Variants in KCNMA1 observed in about 807,000 individuals in gnomAD.
KCNMA1 encodes the protein Calcium-activated potassium channel subunit alpha-1.
Under a neutral mutation model 140.0 loss-of-function variants are expected in KCNMA1, and 29 were observed. That is an observed-to-expected ratio of 0.21 (90% CI 0.15 to 0.28). The LOEUF is 0.28. Ranked by LOEUF, KCNMA1 falls within the 10% of genes least tolerant of loss-of-function variation. The pLI is 1.00. For synonymous variants in KCNMA1, 612 were observed against 611.9 expected, an observed-to-expected ratio of 1.00 and a Z score of 0.00; for missense variants, 880 against 1,602.2, an observed-to-expected ratio of 0.55 and a Z score of 7.70.
At chr10:77,293,599 C>G (rs2074039439) in intron 2 of KCNMA1, among the ~76,000 whole-genome samples, 1 of 152,224 alleles carries the variant, frequency 6.6e-6, no homozygotes, top group Non-Finnish European at 1.5e-5. Flanking sequence ...ACCGTCTAGA[C>G]TTTTATCTCT....
intron 23 of KCNMA1, among the ~76,000 whole-genome samples, chr10:76,927,289 C>G (rs866659300): frequency 6.6e-6 from 1 of 152,232 alleles, no homozygotes. Flanking sequence ...CAAAGTTGCT[C>G]TAATGGCTGA....
chr10:77,603,147 G>T (rs1176090576), intron 1 of KCNMA1, among the ~76,000 whole-genome samples: 1 of 152,212 alleles, frequency 6.6e-6, no homozygotes, highest in Non-Finnish European at 1.5e-5. Context: ...CCATTAGCAA[G>T]ACAGAGCAAA....
chr10:77,289,446 G>A (rs889411289), intron 2 of KCNMA1, among the ~76,000 whole-genome samples: 4 of 152,208 alleles, frequency 2.6e-5, no homozygotes, highest in African/African-American at 9.7e-5. Context: ...ATGGACAGCA[G>A]CGGAAGTTAC....
At chr10:77,588,943 C>T (rs775816182) in intron 1 of KCNMA1, among the ~76,000 whole-genome samples, 45 of 152,230 alleles carry the variant, frequency 3.0e-4, no homozygotes, top group Non-Finnish European at 2.4e-4. Context: ...AGCTGGCAAA[C>T]ATTTTCTGTG....
chr10:77,184,044 A>G (rs1304616373), intron 4 of KCNMA1, among the ~76,000 whole-genome samples: 6 of 149,796 alleles, frequency 4.0e-5, no homozygotes, highest in African/African-American at 1.5e-4. Flanking sequence ...ACTATAAATA[A>G]AGCACATATG....
Position 77,564,725 on chromosome 10 carries a change from T to C in KCNMA1, c.378+72540A>G, listed in dbSNP as rs147188015. ...CCTGGCATCTAGGTGAAAGAAAGAA[T>C]GAATGGAGCCTTGAACTAACCAGGA... On this transcript the variant is annotated intron_variant, in intron 1 of 27. Coordinates refer to ENST00000286628, the MANE Select transcript of KCNMA1 (RefSeq NM_001161352.2). Among the ~76,000 whole-genome samples, 9 of 152,206 alleles carry C rather than the reference T, an allele frequency of 5.9e-5. No individual in the cohort carries two copies. The East Asian group carries it at 1.7e-3, about 29-fold the overall frequency.
chr10:77,428,373 T>A (rs974091684), intron 1 of KCNMA1, among the ~76,000 whole-genome samples: 2 of 152,052 alleles, frequency 1.3e-5, no homozygotes, highest in African/African-American at 4.8e-5. Context: ...TGAGACTTAG[T>A]CTCTAATGAA....
At chr10:76,998,121 G>A (rs942340262) in intron 19 of KCNMA1, among the ~76,000 whole-genome samples, 7 of 152,032 alleles carry the variant, frequency 4.6e-5, no homozygotes, top group Non-Finnish European at 7.4e-5. Flanking sequence ...TGACTCAACC[G>A]ATCCACAGTA....
chr10:77,076,768 A>T (rs951046932), intron 13 of KCNMA1, among the ~76,000 whole-genome samples: 4 of 152,220 alleles, frequency 2.6e-5, no homozygotes, highest in African/African-American at 9.6e-5. Flanking sequence ...AATTATGATG[A>T]TGACAAACTC....
chr10:76,928,948 TG>T (rs2058546413), intron 23 of KCNMA1, among the ~76,000 whole-genome samples: 1 of 152,208 alleles, frequency 6.6e-6, no homozygotes, highest in Non-Finnish European at 1.5e-5. Context: ...AAAGTACTGC[TG>T]TATTTATCTC....
chr10:76,954,269 G>GCA (rs10663230), intron 20 of KCNMA1, among the ~76,000 whole-genome samples: 69,826 of 141,030 alleles, frequency 0.5, 16,745 homozygotes, highest in African/African-American at 0.62. Flanking sequence ...TCCCCAGCGT[G>GCA]CACACACACA....
At position 76,887,163 on chromosome 10, in the gene KCNMA1, G is replaced by T. The variant is rs201294599; in HGVS notation, c.*103C>A. ...TATGCAAATATGTGTAAAAAAAAAGGGGGGGACTACAGGGGAAAACAGGGA... is the reference window on the plus strand; with the variant it reads ...TATGCAAATATGTGTAAAAAAAAAGTGGGGGACTACAGGGGAAAACAGGGA... On this transcript the variant is annotated 3_prime_UTR_variant, in exon 28 of 28. Coordinates refer to ENST00000286628, the MANE Select transcript of KCNMA1 (RefSeq NM_001161352.2). 6.8e-6 allele frequency: 11 copies of T among 1,611,022 alleles called. No homozygotes were observed. The highest frequency in any genetic ancestry group is 1.7e-5 in the Admixed American group (1 of 59,952).
intron 2 of KCNMA1, among the ~76,000 whole-genome samples, chr10:77,263,336 GA>G (rs1477025983): frequency 2.0e-5 from 3 of 152,068 alleles, no homozygotes; most frequent in African/African-American, 7.2e-5. Flanking sequence ...GATTTTTTTA[GA>G]GACCTTATTT....
intron 14 of KCNMA1, among the ~76,000 whole-genome samples, chr10:77,051,569 G>T (rs533747082): frequency 1.1e-3 from 169 of 152,340 alleles, no homozygotes; most frequent in African/African-American, 3.9e-3. Context: ...TCATCAAAAA[G>T]ACATTTGGTT....
At chr10:77,464,614 G>T (rs2097947113) in intron 1 of KCNMA1, among the ~76,000 whole-genome samples, 1 of 152,122 alleles carries the variant, frequency 6.6e-6, no homozygotes, top group South Asian at 2.1e-4. Flanking sequence ...GAGAAATGTG[G>T]CTTCTGGGGC....
intron 3 of KCNMA1, among the ~76,000 whole-genome samples, chr10:77,238,877 G>C (rs1463591430): frequency 6.6e-6 from 1 of 152,134 alleles, no homozygotes; most frequent in Non-Finnish European, 1.5e-5. Context: ...TCCCAAATGG[G>C]TGTTTGACCC....
intron 1 of KCNMA1, among the ~76,000 whole-genome samples, chr10:77,609,442 G>A (rs2085912916): frequency 6.6e-6 from 1 of 152,228 alleles, no homozygotes; most frequent in Non-Finnish European, 1.5e-5. Flanking sequence ...CAGGGGCTGG[G>A]ATGGGAGAGG....
chr10:77,138,045 A>G (rs1417167056), intron 5 of KCNMA1, among the ~76,000 whole-genome samples: 1 of 152,108 alleles, frequency 6.6e-6, no homozygotes, highest in African/African-American at 2.4e-5. Context: ...GTTGATATTC[A>G]GACTGGGATT....
intron 1 of KCNMA1, among the ~76,000 whole-genome samples, chr10:77,492,060 GCAGCAAGATTTGA>G (rs1380999819): frequency 1.3e-5 from 2 of 152,192 alleles, no homozygotes; most frequent in Non-Finnish European, 2.9e-5. Flanking sequence ...CTGGGGATGG[GCAGCAAGATTTGA>G]CTGAATGGGA....
Sources: gnomAD v4.1 joint callset for allele counts (sites outside exome capture counted in the v4.1 genomes callset) on GRCh38, gnomAD v4.1.1 for gene constraint, MANE v1.5 for transcripts, NCBI Gene and HGNC (gene_info 2026-07-23, HGNC 2026-07-21) for gene names.